LIN28B: variants seen among roughly 807,000 people sequenced by gnomAD.
LIN28B encodes the protein protein lin-28 homolog B.
Under a neutral mutation model 21.9 loss-of-function variants are expected in LIN28B, and 5 were observed. The observed-to-expected ratio is 0.23, with a 90% CI of 0.12 to 0.48. LIN28B has a LOEUF of 0.48. LIN28B is among the 20% of genes least tolerant of loss of function. The pLI is 0.98. For synonymous variants in LIN28B, 109 were observed against 111.3 expected (o/e 0.98, Z 0.13); for missense variants, 245 against 310.5 (o/e 0.79, Z 1.58).
chr6:105,044,964 C>T (rs1006501057), intron 3 of LIN28B, among the ~76,000 whole-genome samples: 1 of 151,982 alleles, frequency 6.6e-6, no homozygotes, highest in Non-Finnish European at 1.5e-5. Context: ...CCCAGGAGTT[C>T]GAGACCAGCT....
intron 2 of LIN28B, chr6:104,941,516 G>GGGGTCCCGGCGGC (rs1242131100): frequency 3.4e-5 from 5 of 146,334 alleles, no homozygotes; most frequent in African/African-American, 1.2e-4. Context: ...GGCGCAGGCT[G>GGGGTCCCGGCGGC]GGGTCCCGGC....
intron 3 of LIN28B, among the ~76,000 whole-genome samples, chr6:105,051,887 A>G (rs988142395): frequency 1.3e-5 from 2 of 152,186 alleles, no homozygotes; most frequent in African/African-American, 4.8e-5. Context: ...ATAAGCAAAA[A>G]CAGACTTATT....
At chr6:104,955,680 G>A (rs1326119363), upstream of LIN28B, among the ~76,000 whole-genome samples, 4 of 150,988 alleles carry the variant, frequency 2.6e-5, no homozygotes, top group African/African-American at 9.8e-5. Flanking sequence ...GGGATTGCTG[G>A]CATGGTGGGG....
At position 105,030,666 on chromosome 6, in the gene LIN28B, G is replaced by T. The variant is rs1359761908; in HGVS notation, c.383+4184G>T. Among the ~76,000 whole-genome samples, 4 of 145,270 alleles carry T rather than the reference G, an allele frequency of 2.8e-5. No homozygotes were observed. The Admixed American group carries it at 2.9e-4, about 10-fold the overall frequency. ...GTCTGGAGTGCAATGGCCTGATCTA[G>T]GCTCATTGCAACCACTGCCTCCTGG... is the stretch of plus-strand genomic sequence containing the variant. On this transcript the variant is annotated intron_variant, in intron 3 of 3. Transcript: ENST00000345080.
intron 2 of LIN28B, among the ~76,000 whole-genome samples, chr6:104,978,562 C>T (rs1322593464): frequency 2.0e-5 from 3 of 151,286 alleles, no homozygotes; most frequent in African/African-American, 4.9e-5. Flanking sequence ...TAAAGGTATC[C>T]TGTCTTTTTT....
intron 3 of LIN28B, among the ~76,000 whole-genome samples, chr6:105,052,250 T>C (rs1174687619): frequency 6.6e-6 from 1 of 152,172 alleles, no homozygotes; most frequent in Non-Finnish European, 1.5e-5. Context: ...GACCATGGTT[T>C]ATGAAGTTTG....
chr6:104,997,173 C>T (rs928321129), intron 2 of LIN28B, among the ~76,000 whole-genome samples: 1 of 151,036 alleles, frequency 6.6e-6, no homozygotes, highest in Non-Finnish European at 1.5e-5. Flanking sequence ...CCCAGCTACT[C>T]GGGAGGCTGA....
intron 2 of LIN28B, among the ~76,000 whole-genome samples, chr6:104,943,517 C>T (rs1027716252): frequency 2.0e-4 from 31 of 151,964 alleles, no homozygotes; most frequent in African/African-American, 7.5e-4. Context: ...TATCTTAATC[C>T]AAAGTTGCAT....
At chr6:104,950,468 A>G (rs1421120794) in exon 3 of LIN28B, 1 of 1,229,304 alleles carries the variant, frequency 8.1e-7, no homozygotes, top group Non-Finnish European at 1.0e-6. Flanking sequence ...TAGGTTCTTC[A>G]GAAGAGGATG....
At chr6:104,974,576 G>A (rs1023003157) in intron 2 of LIN28B, among the ~76,000 whole-genome samples, 5 of 151,580 alleles carry the variant, frequency 3.3e-5, no homozygotes, top group Non-Finnish European at 5.9e-5. Context: ...TCCCTGAAGG[G>A]CCCAAGTTTC....
At chr6:105,000,438 G>A (rs1039282042) in intron 2 of LIN28B, among the ~76,000 whole-genome samples, 5 of 151,988 alleles carry the variant, frequency 3.3e-5, no homozygotes, top group African/African-American at 7.2e-5. Context: ...TATTTGTGAC[G>A]ATTAGAAAAC....
At chr6:104,944,702 A>G (rs1346494292) in intron 2 of LIN28B, among the ~76,000 whole-genome samples, 1 of 152,136 alleles carries the variant, frequency 6.6e-6, no homozygotes, top group African/African-American at 2.4e-5. Flanking sequence ...AAATTACCTG[A>G]AAAGTAATGT....
intron 2 of LIN28B, among the ~76,000 whole-genome samples, chr6:104,994,090 C>G (rs113803410): frequency 1.6e-4 from 25 of 151,978 alleles, no homozygotes; most frequent in Non-Finnish European, 3.1e-4. Flanking sequence ...CTGCAAGCTC[C>G]GCCTTCCAGG....
chr6:105,001,206 T>C (rs901730656), intron 2 of LIN28B, among the ~76,000 whole-genome samples: 1 of 152,256 alleles, frequency 6.6e-6, no homozygotes, highest in African/African-American at 2.4e-5. Flanking sequence ...TGAGTTACTA[T>C]GTATATTTTT....
chr6:104,951,628 G>GT (rs1778222421), intron 3 of LIN28B, among the ~76,000 whole-genome samples: 1 of 152,068 alleles, frequency 6.6e-6, no homozygotes, highest in Non-Finnish European at 1.5e-5. Flanking sequence ...ACACCAATGT[G>GT]TTAAGTGACT....
At chr6:105,067,855 T>A (rs1772249240) in intron 3 of LIN28B, among the ~76,000 whole-genome samples, 1 of 152,188 alleles carries the variant, frequency 6.6e-6, no homozygotes, top group Non-Finnish European at 1.5e-5. Context: ...TACCCTTATA[T>A]GAAAAATGCT....
chr6:104,956,591 A>G (rs772474571), upstream of LIN28B, among the ~76,000 whole-genome samples: 10 of 152,118 alleles, frequency 6.6e-5, no homozygotes, highest in Non-Finnish European at 1.0e-4. Flanking sequence ...TGGGGATGTA[A>G]TTAGGTTTAA....
intron 2 of LIN28B, among the ~76,000 whole-genome samples, chr6:104,999,023 A>G (rs1410168750): frequency 2.0e-5 from 3 of 152,234 alleles, no homozygotes; most frequent in East Asian, 3.8e-4. Flanking sequence ...AGAATTAGAA[A>G]AAACAAGCAT....
chr6:104,938,290 G>A (rs1230013366), intron 2 of LIN28B, among the ~76,000 whole-genome samples: 1 of 151,896 alleles, frequency 6.6e-6, no homozygotes, highest in East Asian at 1.9e-4. Context: ...TATGACCATG[G>A]TCCCAGGTAG....
Sources: gnomAD v4.1 joint callset for allele counts (sites outside exome capture counted in the v4.1 genomes callset) on GRCh38, gnomAD v4.1.1 for gene constraint, MANE v1.5 for transcripts, NCBI Gene and HGNC (gene_info 2026-07-23, HGNC 2026-07-21) for gene names.